The following DMD variants were observed in gnomAD, a reference collection of about 807,000 sequenced individuals.
DMD encodes mutant dystrophin.
In DMD, 63 loss-of-function variants were observed where a neutral mutation model predicts 330.1. The observed-to-expected ratio is 0.19, with a 90% CI of 0.16 to 0.24. DMD has a LOEUF of 0.24. Among genes scored for constraint, DMD ranks in the 10% least tolerant of loss-of-function variants. The pLI, the probability that DMD is intolerant of heterozygous loss-of-function variation, is 1.00. For missense variants in DMD, 3,344 were observed against 2,684.1 expected, an observed-to-expected ratio of 1.25 and a Z score of -5.43; for synonymous variants, 1,223 against 959.8, an observed-to-expected ratio of 1.27 and a Z score of -5.07.
At chrX:31,178,192 A>G in intron 70 of DMD, 1 of 753,638 alleles carries the variant, frequency 1.3e-6, no homozygotes. Context: ...AGAGGTGAAG[A>G]CGTCCCCTTT....
chrX:32,775,394 G>A (rs2074038615), intron 7 of DMD, among the ~76,000 whole-genome samples: 1 of 112,764 alleles, frequency 8.9e-6, no homozygotes, highest in Admixed American at 9.3e-5. Context: ...CCTAGTAGAG[G>A]TTCTCCATGA....
intron 29 of DMD, among the ~76,000 whole-genome samples, chrX:32,437,994 C>G (rs1388638666): frequency 2.7e-5 from 3 of 111,815 alleles, no homozygotes; most frequent in Non-Finnish European, 5.6e-5. Flanking sequence ...GAAAAGAACT[C>G]TGTGGTCAGA....
At chrX:32,763,610 A>G (rs766524722) in intron 7 of DMD, among the ~76,000 whole-genome samples, 1 of 112,024 alleles carries the variant, frequency 8.9e-6, no homozygotes, top group Non-Finnish European at 1.9e-5. Flanking sequence ...TAACATACAA[A>G]GTAAAAATTT....
At chrX:32,735,198 C>A (rs1335960493) in intron 7 of DMD, among the ~76,000 whole-genome samples, 1 of 108,187 alleles carries the variant, frequency 9.2e-6, no homozygotes, top group African/African-American at 3.5e-5. Context: ...CCTAGGAATC[C>A]AACTTACAAG....
intron 51 of DMD, among the ~76,000 whole-genome samples, chrX:31,756,946 G>T (rs2089154198): frequency 9.2e-6 from 1 of 109,114 alleles, no homozygotes; most frequent in South Asian, 3.9e-4. Context: ...TAAATGTGCA[G>T]CATTGGGATT....
At chrX:33,073,263 T>C (rs893071434) in intron 1 of DMD, among the ~76,000 whole-genome samples, 15 of 111,957 alleles carry the variant, frequency 1.3e-4, no homozygotes, top group Non-Finnish European at 2.4e-4. Flanking sequence ...CATAAATACA[T>C]ACTTACTATT....
rs372608558 is a variant in DMD, at chrX:31,482,080, T to C, written c.8548-2977A>G. Among the ~76,000 whole-genome samples, 5 of 111,017 alleles carry C rather than the reference T, an allele frequency of 4.5e-5. No homozygotes were observed. In the East Asian group the frequency reaches 1.1e-3, roughly 25 times the overall value. ...AGCGTTCATCATGTTGCCCTAGGGG[T>C]AAGTCTTTGGGCAAAGGAAGGGCAC... On this transcript the variant is annotated intron_variant, in intron 57 of 78. Transcript: ENST00000357033.
intron 30 of DMD, among the ~76,000 whole-genome samples, chrX:32,407,081 G>A (rs900766505): frequency 1.1e-4 from 12 of 111,179 alleles, no homozygotes; most frequent in African/African-American, 2.3e-4. Context: ...ACTTCATGAC[G>A]AAAACAACAA....
chrX:32,885,380 G>C (rs1351334512), intron 2 of DMD, among the ~76,000 whole-genome samples: 1 of 111,184 alleles, frequency 9.0e-6, no homozygotes, highest in African/African-American at 3.3e-5. Flanking sequence ...TTGCATCTTG[G>C]AACTGCACTA....
chrX:32,655,792 A>G (rs190751188), intron 9 of DMD, among the ~76,000 whole-genome samples: 9 of 111,249 alleles, frequency 8.1e-5, no homozygotes, highest in African/African-American at 2.9e-4. Context: ...TTGTAGGTCT[A>G]TAAGGACTTG....
At chrX:31,544,729 T>C (rs1476183353) in intron 55 of DMD, among the ~76,000 whole-genome samples, 1 of 111,376 alleles carries the variant, frequency 9.0e-6, no homozygotes, top group African/African-American at 3.3e-5. Context: ...CGCATGCTTT[T>C]ATGTTGTTGA....
At position 31,229,269 on chromosome X, in the gene DMD, A is replaced by C. The variant is rs1350036854; in HGVS notation, c.9287-6148T>G. Among the ~76,000 whole-genome samples the C allele has an allele frequency of 5.3e-5, 6 of 112,185 alleles. No homozygotes were observed. The East Asian group carries it at 1.7e-3, about 31-fold the overall frequency. ...ATTCCAAAGATATTACAGAAAAAAA[A>C]CATTAAGTCCCTTCATTTCAATTTT... On this transcript the variant is annotated intron_variant, in intron 63 of 78. Coordinates refer to ENST00000357033, the MANE Select transcript of DMD (RefSeq NM_004006.3).
intron 42 of DMD, among the ~76,000 whole-genome samples, chrX:32,289,715 C>T (rs1355388104): frequency 9.0e-6 from 1 of 111,564 alleles, no homozygotes; most frequent in African/African-American, 3.3e-5. Context: ...CCTAGCAGTG[C>T]CATGACAGGT....
At chrX:31,764,189 G>C (rs890461350) in intron 51 of DMD, among the ~76,000 whole-genome samples, 5 of 111,673 alleles carry the variant, frequency 4.5e-5, no homozygotes, top group African/African-American at 1.6e-4. Context: ...TTTTCATTTA[G>C]AAAACAATTG....
chrX:32,850,654 A>C (rs1425007783), intron 2 of DMD, among the ~76,000 whole-genome samples: 1 of 111,439 alleles, frequency 9.0e-6, no homozygotes, highest in Non-Finnish European at 1.9e-5. Context: ...TGTTCTTTCA[A>C]TCTTATGTTG....
At chrX:31,238,452 G>A (rs2047942624) in intron 63 of DMD, among the ~76,000 whole-genome samples, 1 of 111,965 alleles carries the variant, frequency 8.9e-6, no homozygotes, top group Non-Finnish European at 1.9e-5. Context: ...AGTATTCCCT[G>A]TAGAGCCAAA....
At chrX:33,189,728 A>C (rs1287369657) in intron 1 of DMD, among the ~76,000 whole-genome samples, 1 of 111,522 alleles carries the variant, frequency 9.0e-6, no homozygotes, top group African/African-American at 3.3e-5. Flanking sequence ...CTGGGTCCTG[A>C]TAACATGACC....
At chrX:32,728,814 T>G (rs1348473628) in intron 7 of DMD, among the ~76,000 whole-genome samples, 1 of 112,214 alleles carries the variant, frequency 8.9e-6, no homozygotes, top group African/African-American at 3.2e-5. Context: ...ATTGTTTAAT[T>G]TTCTTCTTTC....
chrX:32,077,395 GA>G (rs2096360908), intron 44 of DMD, among the ~76,000 whole-genome samples: 1 of 111,283 alleles, frequency 9.0e-6, no homozygotes, highest in African/African-American at 3.3e-5. Context: ...ATTAATCTCA[GA>G]AAATTTCATA....
Sources: allele counts gnomAD v4.1 joint callset (sites outside exome capture counted in the v4.1 genomes callset), GRCh38; gene constraint gnomAD v4.1.1; transcripts MANE v1.5; gene names NCBI Gene and HGNC (gene_info 2026-07-23, HGNC 2026-07-21).